The following LRRC7 variants were observed in gnomAD, a reference collection of about 807,000 sequenced individuals.
LRRC7 encodes the protein leucine-rich repeat-containing protein 7.
A neutral mutation model predicts 175.7 loss-of-function variants in LRRC7; 23 were observed. That is an observed-to-expected ratio of 0.13 (90% CI 0.09 to 0.19). The LOEUF is 0.19. LRRC7 is among the 10% of genes least tolerant of loss of function. The probability of loss-of-function intolerance (pLI) is 1.00; values close to 1 mark genes in which losing one functional copy is unlikely to be tolerated. For synonymous variants in LRRC7, 685 were observed against 680.9 expected (o/e 1.01, Z -0.09); for missense variants, 1,354 against 1,904.7 (o/e 0.71, Z 5.38).
intron 8 of LRRC7, among the ~76,000 whole-genome samples, chr1:69,939,779 A>G (rs1339138052): frequency 6.6e-6 from 1 of 152,258 alleles, no homozygotes; most frequent in South Asian, 2.1e-4. Flanking sequence ...AGAACAAATC[A>G]TTTGATTTTA....
intron 26 of LRRC7, among the ~76,000 whole-genome samples, chr1:70,109,990 G>A (rs1665413154): frequency 1.3e-5 from 2 of 152,156 alleles, no homozygotes; most frequent in South Asian, 4.1e-4. Context: ...CATGACAGAA[G>A]CAAAATAAAG....
At chr1:69,706,385 T>C (rs1664042635) in intron 2 of LRRC7, among the ~76,000 whole-genome samples, 1 of 152,122 alleles carries the variant, frequency 6.6e-6, no homozygotes, top group Admixed American at 6.6e-5. Context: ...AGTCTAGCAT[T>C]CGTCACTTAC....
Position 70,020,306 on chromosome 1 carries a change from A to G in LRRC7, c.1421-699A>G, listed in dbSNP as rs1657349624. Among the ~76,000 whole-genome samples the G allele has an allele frequency of 2.6e-5, 4 of 151,966 alleles. No individual in the cohort carries two copies. The South Asian group carries it at 6.2e-4, about 24-fold the overall frequency. Reference sequence around the variant, plus strand: ...ATAATGTTGCAAAGAAGATATTATCATTAGCCAACATTTTATGTAAAAAAA... The same window carrying G: ...ATAATGTTGCAAAGAAGATATTATCGTTAGCCAACATTTTATGTAAAAAAA... On this transcript the variant is annotated intron_variant, in intron 15 of 26. Transcript: ENST00000651989.
At chr1:69,765,553 A>G (rs1671532704) in intron 3 of LRRC7, among the ~76,000 whole-genome samples, 1 of 152,092 alleles carries the variant, frequency 6.6e-6, no homozygotes. Context: ...AGACCATTAT[A>G]TTACTGGAAA....
chr1:69,846,778 A>C (rs765538460), intron 7 of LRRC7, among the ~76,000 whole-genome samples: 14 of 152,090 alleles, frequency 9.2e-5, no homozygotes, highest in Non-Finnish European at 1.5e-4. Flanking sequence ...AAAATTTTAA[A>C]TAAATTTAGT....
At chr1:70,027,901 C>T (rs986302130) in intron 17 of LRRC7, among the ~76,000 whole-genome samples, 3 of 152,068 alleles carry the variant, frequency 2.0e-5, no homozygotes, top group Non-Finnish European at 4.4e-5. Context: ...GTGTTTTGAC[C>T]TACTGCTATT....
intron 4 of LRRC7, among the ~76,000 whole-genome samples, chr1:69,825,229 A>G (rs1679772209): frequency 6.6e-6 from 1 of 152,182 alleles, no homozygotes. Context: ...AAAGAATTGT[A>G]TAAAATTTAG....
chr1:69,762,339 C>T (rs532347263), intron 3 of LRRC7, among the ~76,000 whole-genome samples: 8 of 152,008 alleles, frequency 5.3e-5, no homozygotes, highest in South Asian at 2.1e-4. Context: ...TCTGCCCTTC[C>T]GGATCTGACA....
At chr1:69,994,972 A>C (rs947976342) in intron 11 of LRRC7, among the ~76,000 whole-genome samples, 1 of 152,026 alleles carries the variant, frequency 6.6e-6, no homozygotes, top group South Asian at 2.1e-4. Context: ...CTCTGAATTC[A>C]CTTCACTGTT....
chr1:69,759,789 C>T (rs934290494), intron 2 of LRRC7, among the ~76,000 whole-genome samples: 4 of 151,538 alleles, frequency 2.6e-5, no homozygotes, highest in South Asian at 2.1e-4. Flanking sequence ...TGTTTTTTTC[C>T]GCAAATTCTG....
chr1:69,600,349 T>C (rs1647004209), intron 1 of LRRC7, among the ~76,000 whole-genome samples: 1 of 152,214 alleles, frequency 6.6e-6, no homozygotes, highest in African/African-American at 2.4e-5. Context: ...CTTAGTCATC[T>C]TGTTGCCATA....
At position 69,777,566 on chromosome 1, in the gene LRRC7, T is replaced by A. The variant is rs190916957; in HGVS notation, c.304-14477T>A. 3.0e-3 allele frequency among the ~76,000 whole-genome samples: 455 copies of A among 152,318 alleles called. 3 individuals carry two copies. The highest frequency in any genetic ancestry group is 0.01 in the African/African-American group (433 of 41,570). ...TACATGCTTGCTGGACTTACTTGAA[T>A]ATTCACACTCAGCAAGTGTAATTTC... is the stretch of plus-strand genomic sequence containing the variant. On this transcript the variant is annotated intron_variant, in intron 3 of 26. Transcript: ENST00000651989.
chr1:69,735,780 C>T (rs76909514), intron 2 of LRRC7, among the ~76,000 whole-genome samples: 1,635 of 151,786 alleles, frequency 0.011, 34 homozygotes, highest in African/African-American at 0.037. Context: ...TTTTATTCCT[C>T]GCCCCTTTCT....
intron 2 of LRRC7, among the ~76,000 whole-genome samples, chr1:69,737,979 G>A (rs1557666681): frequency 6.6e-6 from 1 of 152,032 alleles, no homozygotes; most frequent in Non-Finnish European, 1.5e-5. Flanking sequence ...CCTCATCCTA[G>A]GGAATTTGAT....
rs189313696 is a variant in LRRC7 at position 69,602,000 on chromosome 1, C to T, written c.2+33359C>T. 3.2e-3 allele frequency among the ~76,000 whole-genome samples: 481 copies of T among 152,232 alleles called. 4 individuals are homozygous for T. Among genetic ancestry groups the T allele is most frequent in the South Asian group, 0.03 (143 of 4,826 alleles). On this transcript the variant is annotated intron_variant, in intron 1 of 26. Coordinates refer to ENST00000651989, the MANE Select transcript of LRRC7 (RefSeq NM_001370785.2). ...AAAACTTTGAAGTATGTAACTCCAA[C>T]AATGTATAAAACATTCTTATATACC...
intron 4 of LRRC7, among the ~76,000 whole-genome samples, chr1:69,804,509 T>A (rs934606783): frequency 1.3e-5 from 2 of 151,502 alleles, no homozygotes; most frequent in East Asian, 3.9e-4. Context: ...ATTCTTTCTT[T>A]GAAAAAATAA....
chr1:69,802,735 G>T (rs941103604), intron 4 of LRRC7, among the ~76,000 whole-genome samples: 4 of 151,248 alleles, frequency 2.6e-5, no homozygotes, highest in African/African-American at 9.7e-5. Context: ...ATATTGATTT[G>T]TGAGGTTGTT....
chr1:69,865,784 C>G (rs544488732), intron 7 of LRRC7, among the ~76,000 whole-genome samples: 1 of 151,966 alleles, frequency 6.6e-6, no homozygotes, highest in East Asian at 1.9e-4. Context: ...CCGGCCCGAC[C>G]GTTCCTTTTA....
At chr1:70,085,166 C>A (rs1233661999) in intron 24 of LRRC7, among the ~76,000 whole-genome samples, 4 of 152,214 alleles carry the variant, frequency 2.6e-5, no homozygotes, top group Non-Finnish European at 5.9e-5. Context: ...ACATATCAAT[C>A]TCTTATATCA....
Sources: allele counts gnomAD v4.1 joint callset (sites outside exome capture counted in the v4.1 genomes callset), GRCh38; gene constraint gnomAD v4.1.1; transcripts MANE v1.5; gene names NCBI Gene and HGNC (gene_info 2026-07-23, HGNC 2026-07-21).